The following IL1RAPL1 variants were observed in gnomAD, a reference collection of about 807,000 sequenced individuals.
IL1RAPL1 encodes interleukin 1 receptor accessory protein like 1, also known as interleukin-1 receptor accessory protein-like 1.
A neutral mutation model predicts 48.4 loss-of-function variants in IL1RAPL1; 3 were observed. That is an observed-to-expected ratio of 0.06 (90% confidence interval 0.03 to 0.16). The LOEUF (loss-of-function observed/expected upper bound fraction) is 0.16, where lower values mean the gene tolerates loss of function less well. Among genes scored for constraint, IL1RAPL1 ranks in the 10% least tolerant of loss-of-function variants. The pLI is 1.00. For missense variants in IL1RAPL1, 349 were observed against 530.6 expected (o/e 0.66, Z 3.36); for synonymous variants, 185 against 187.7 (o/e 0.99, Z 0.12).
intron 6 of IL1RAPL1, among the ~76,000 whole-genome samples, chrX:29,681,830 T>G (rs750548905): frequency 9.0e-6 from 1 of 111,504 alleles, no homozygotes; most frequent in South Asian, 3.8e-4. Flanking sequence ...GCATTAGAAT[T>G]TTTAGTAGAT....
intron 6 of IL1RAPL1, among the ~76,000 whole-genome samples, chrX:29,850,547 A>G (rs1386063746): frequency 8.9e-6 from 1 of 112,349 alleles, no homozygotes; most frequent in Non-Finnish European, 1.9e-5. Flanking sequence ...GGCTGCCACA[A>G]TTGAGGTGGT....
At position 29,769,427 on chromosome X, in the gene IL1RAPL1, GTTTTTTTTTTTTTTT is replaced by G. The variant is rs749403144; in HGVS notation, c.778+100943_778+100957del. ...CATATTTTTGAGGGACTGCCAAACA[GTTTTTTTTTTTTTTT>G]TTTTTTTTTTTTTTTTTTTGTGATG... On this transcript the variant is annotated intron_variant, in intron 6 of 10. Transcript: ENST00000378993. Among the ~76,000 whole-genome samples the G allele has an allele frequency of 2.7e-4, 7 of 25,890 alleles. No individual in the cohort carries two copies. In the East Asian group the frequency reaches 0.01, roughly 37 times the overall value. The allele number at this position is 25,890 out of a possible 115,157, so 22.5% of individuals were successfully genotyped here.
intron 8 of IL1RAPL1, among the ~76,000 whole-genome samples, chrX:29,937,940 C>T (rs2147249657): frequency 9.0e-6 from 1 of 111,616 alleles, no homozygotes; most frequent in Non-Finnish European, 1.9e-5. Context: ...TTGCTTATTG[C>T]TCATTCTCTA....
chrX:29,435,740 C>T (rs1172031976), intron 5 of IL1RAPL1, among the ~76,000 whole-genome samples: 1 of 111,095 alleles, frequency 9.0e-6, no homozygotes, highest in Non-Finnish European at 1.9e-5. Context: ...GAAGTTGAGG[C>T]TCTGACTGTA....
intron 6 of IL1RAPL1, among the ~76,000 whole-genome samples, chrX:29,750,687 C>A (rs774943220): frequency 3.6e-5 from 4 of 111,439 alleles, no homozygotes; most frequent in Admixed American, 9.6e-5. Context: ...TTTTTGTGAA[C>A]AACTTAGTTT....
At chrX:29,713,322 A>T (rs1218159857) in intron 6 of IL1RAPL1, among the ~76,000 whole-genome samples, 1 of 111,932 alleles carries the variant, frequency 8.9e-6, no homozygotes, top group Non-Finnish European at 1.9e-5. Flanking sequence ...GTTCTCCACC[A>T]AGTAGGGTAG....
chrX:29,565,323 TAAA>T (rs58259760), intron 5 of IL1RAPL1, among the ~76,000 whole-genome samples: 1 of 98,480 alleles, frequency 1.0e-5, no homozygotes, highest in Non-Finnish European at 2.1e-5. Context: ...TAGCAGTTAC[TAAA>T]AAAAAAAAAC....
At chrX:28,863,092 G>A (rs1921987413) in intron 2 of IL1RAPL1, among the ~76,000 whole-genome samples, 1 of 111,216 alleles carries the variant, frequency 9.0e-6, no homozygotes, top group Non-Finnish European at 1.9e-5. Flanking sequence ...TGTTGGCCAG[G>A]CTGTCTCGAA....
chrX:29,587,447 G>A (rs1471316860), intron 5 of IL1RAPL1, among the ~76,000 whole-genome samples: 1 of 110,611 alleles, frequency 9.0e-6, no homozygotes, highest in East Asian at 2.8e-4. Context: ...GGAAGAGTAA[G>A]TTTAAACGAT....
chrX:28,965,259 A>C (rs1924891065), intron 2 of IL1RAPL1, among the ~76,000 whole-genome samples: 1 of 111,468 alleles, frequency 9.0e-6, no homozygotes, highest in Admixed American at 9.6e-5. Context: ...CATATGAGTA[A>C]GTTTATTATT....
intron 2 of IL1RAPL1, among the ~76,000 whole-genome samples, chrX:28,902,713 G>A (rs891220516): frequency 4.5e-5 from 5 of 111,605 alleles, no homozygotes; most frequent in African/African-American, 9.8e-5. Context: ...GTCCCCAAAC[G>A]TCGGGCCACA....
chrX:29,888,702 A>C (rs1932217105), intron 6 of IL1RAPL1, among the ~76,000 whole-genome samples: 1 of 109,791 alleles, frequency 9.1e-6, no homozygotes, highest in South Asian at 3.8e-4. Flanking sequence ...ATTTTCCATC[A>C]AACAGTTTTT....
At chrX:28,661,229 A>G (rs1487586844) in intron 1 of IL1RAPL1, among the ~76,000 whole-genome samples, 2 of 112,162 alleles carry the variant, frequency 1.8e-5, no homozygotes, top group East Asian at 5.6e-4. Flanking sequence ...CTAGTCCCAT[A>G]CATATGTTCA....
intron 6 of IL1RAPL1, among the ~76,000 whole-genome samples, chrX:29,812,397 T>C (rs1930399567): frequency 1.8e-5 from 2 of 111,847 alleles, no homozygotes; most frequent in African/African-American, 3.2e-5. Context: ...AAAGGAACTC[T>C]CCCAAATAAT....
At chrX:29,460,681 A>G (rs936926910) in intron 5 of IL1RAPL1, among the ~76,000 whole-genome samples, 1 of 112,373 alleles carries the variant, frequency 8.9e-6, no homozygotes, top group Non-Finnish European at 1.9e-5. Context: ...ATTATATTCA[A>G]AATAGTTAAC....
intron 2 of IL1RAPL1, among the ~76,000 whole-genome samples, chrX:28,907,601 A>G (rs998538747): frequency 8.9e-6 from 1 of 112,658 alleles, no homozygotes; most frequent in Non-Finnish European, 1.9e-5. Context: ...CCTGGTATAA[A>G]TCCCACTTGT....
In IL1RAPL1 at chrX:28,640,368, C is replaced by T. The variant is rs759735314; in HGVS notation, c.-25+52321C>T. ...GTTTGTTTTGTTTTGTTTTTTGAGA[C>T]AGAGTCTTGCTCTGTCACCCAGGCT... is the stretch of plus-strand genomic sequence containing the variant. On this transcript the variant is annotated intron_variant, in intron 1 of 10. Coordinates refer to ENST00000378993, the MANE Select transcript of IL1RAPL1 (RefSeq NM_014271.4). Among the ~76,000 whole-genome samples, 5 of 110,732 alleles carry T rather than the reference C, an allele frequency of 4.5e-5. No individual in the cohort carries two copies. The South Asian group carries it at 1.9e-3, about 43-fold the overall frequency.
chrX:29,751,853 A>G (rs1455334296), intron 6 of IL1RAPL1, among the ~76,000 whole-genome samples: 1 of 107,373 alleles, frequency 9.3e-6, no homozygotes, highest in East Asian at 2.9e-4. Flanking sequence ...GATCACTTGA[A>G]CCCAGGAATT....
In IL1RAPL1 at chrX:29,661,539, A is replaced by G. The variant is rs749937187; in HGVS notation, c.704-6891A>G. 2.7e-5 allele frequency among the ~76,000 whole-genome samples: 3 copies of G among 112,334 alleles called. No homozygotes were observed. The East Asian group carries it at 8.4e-4, about 31-fold the overall frequency. On this transcript the variant is annotated intron_variant, in intron 5 of 10. Coordinates refer to ENST00000378993, the MANE Select transcript of IL1RAPL1 (RefSeq NM_014271.4). ...TTCCAAGACCACTTCCCTTTGGGGG[A>G]TCACAAGGAGATGAGTCATCAGTCA... is the stretch of plus-strand genomic sequence containing the variant.
Sources: allele counts gnomAD v4.1 joint callset (sites outside exome capture counted in the v4.1 genomes callset), GRCh38; gene constraint gnomAD v4.1.1; transcripts MANE v1.5; gene names NCBI Gene and HGNC (gene_info 2026-07-23, HGNC 2026-07-21).